NBEA: variants seen among roughly 807,000 people sequenced by gnomAD.
The protein encoded by NBEA is neurobeachin, also known as lysosomal-trafficking regulator 2.
A neutral mutation model predicts 343.4 loss-of-function variants in NBEA; 44 were observed. The observed-to-expected ratio is 0.13, with a 90% CI of 0.10 to 0.16. The LOEUF (loss-of-function observed/expected upper bound fraction) is 0.16, where lower values mean the gene tolerates loss of function less well. Among genes scored for constraint, NBEA ranks in the 10% least tolerant of loss-of-function variants. The probability of loss-of-function intolerance (pLI) is 1.00; values close to 1 mark genes in which losing one functional copy is unlikely to be tolerated. For synonymous variants in NBEA, 1,175 were observed against 1,238.7 expected, an observed-to-expected ratio of 0.95 and a Z score of 1.08; for missense variants, 2,555 against 3,631.3, an observed-to-expected ratio of 0.70 and a Z score of 7.62.
intron 32 of NBEA, 139 bp from the exon 33 acceptor site, chr13:35,210,914 A>C: frequency 1.3e-6 from 1 of 790,674 alleles, no homozygotes; most frequent in Non-Finnish European, 2.0e-6. Flanking sequence ...CATACTTACT[A>C]ATGGCCAAAT....
At chr13:35,568,122 C>T (rs1427289159) in intron 45 of NBEA, among the ~76,000 whole-genome samples, 1 of 152,172 alleles carries the variant, frequency 6.6e-6, no homozygotes, top group Non-Finnish European at 1.5e-5. Context: ...AGAAGCACTT[C>T]CTGAGTATTA....
intron 31 of NBEA, among the ~76,000 whole-genome samples, chr13:35,206,134 T>C (rs1404507855): frequency 1.3e-5 from 2 of 152,152 alleles, no homozygotes; most frequent in African/African-American, 2.4e-5. Context: ...ATTTTACTTA[T>C]AAGTCATAAT....
At chr13:34,981,778 T>C (rs935449091) in intron 1 of NBEA, among the ~76,000 whole-genome samples, 3 of 151,962 alleles carry the variant, frequency 2.0e-5, no homozygotes, top group Non-Finnish European at 2.9e-5. Flanking sequence ...CTAGATTGTT[T>C]GCATTTTCCT....
At chr13:35,103,449 T>A (rs1349750346) in intron 11 of NBEA, among the ~76,000 whole-genome samples, 3 of 151,652 alleles carry the variant, frequency 2.0e-5, no homozygotes, top group South Asian at 2.1e-4. Flanking sequence ...CTCTCATTAG[T>A]TCTGCTTCAT....
intron 39 of NBEA, among the ~76,000 whole-genome samples, chr13:35,445,792 A>ATATATATG (rs1443329689): frequency 1.3e-5 from 1 of 78,224 alleles, no homozygotes; most frequent in African/African-American, 7.1e-5. Context: ...TTATATATAT[A>ATATATATG]TATATATATA....
intron 35 of NBEA, among the ~76,000 whole-genome samples, chr13:35,298,211 GTATATA>G (rs72309538): frequency 0.12 from 12,362 of 102,472 alleles, 718 homozygotes; most frequent in Non-Finnish European, 0.15. Context: ...GTGTGTGTGT[GTATATA>G]TATATATATA....
chr13:35,386,950 T>G (rs907269570), intron 38 of NBEA, among the ~76,000 whole-genome samples: 1 of 152,160 alleles, frequency 6.6e-6, no homozygotes, highest in Admixed American at 6.5e-5. Flanking sequence ...CTATCAATTT[T>G]AGCTTTCCAC....
intron 22 of NBEA, 46 bp downstream of exon 22, chr13:35,160,078 A>G: frequency 6.9e-7 from 1 of 1,451,954 alleles, no homozygotes; most frequent in African/African-American, 1.4e-5. Context: ...AAATGCATTG[A>G]AGAGTTGTTA....
chr13:35,359,832 A>ATGTGTGTGTGTGTATGTGTG (rs2040705794), intron 38 of NBEA, among the ~76,000 whole-genome samples: 3 of 144,562 alleles, frequency 2.1e-5, no homozygotes, highest in Admixed American at 6.9e-5. Flanking sequence ...GTGTGTGTGT[A>ATGTGTGTGTGTGTATGTGTG]TGTGTGTGTG....
chr13:35,117,578 A>C (rs567818847), intron 14 of NBEA, 85 bp downstream of exon 14: 2 of 543,462 alleles, frequency 3.7e-6, no homozygotes, highest in Non-Finnish European at 5.5e-6. Context: ...TAAATTAGTA[A>C]TAGCTACCTT....
chr13:35,319,609 C>A (rs191864862), intron 36 of NBEA, among the ~76,000 whole-genome samples: 1 of 152,100 alleles, frequency 6.6e-6, no homozygotes, highest in Admixed American at 6.6e-5. Flanking sequence ...TCTATTAGGT[C>A]CACTTGGTCC....
intron 18 of NBEA, among the ~76,000 whole-genome samples, chr13:35,153,653 A>C (rs2068947515): frequency 6.6e-6 from 1 of 152,230 alleles, no homozygotes; most frequent in African/African-American, 2.4e-5. Context: ...CAAGGCAGTT[A>C]TTCTTTTCAT....
chr13:35,654,549 A>G (rs1312626455), intron 53 of NBEA, among the ~76,000 whole-genome samples: 1 of 152,204 alleles, frequency 6.6e-6, no homozygotes, highest in Non-Finnish European at 1.5e-5. Context: ...GTGAACATCT[A>G]AAGAATTAAA....
chr13:35,552,134 G>A (rs1200394576), intron 43 of NBEA, among the ~76,000 whole-genome samples: 1 of 152,190 alleles, frequency 6.6e-6, no homozygotes, highest in Non-Finnish European at 1.5e-5. Flanking sequence ...TTATGTCCTT[G>A]AGAATTATTA....
intron 45 of NBEA, among the ~76,000 whole-genome samples, chr13:35,582,867 CATT>C (rs1245766776): frequency 1.2e-4 from 18 of 152,020 alleles, no homozygotes; most frequent in Non-Finnish European, 1.9e-4. Flanking sequence ...TCTTGTGTAA[CATT>C]ATGTGTCCCT....
chr13:35,330,064 C>T (rs562466612), intron 36 of NBEA, among the ~76,000 whole-genome samples: 35 of 152,048 alleles, frequency 2.3e-4, no homozygotes, highest in Non-Finnish European at 4.3e-4. Flanking sequence ...TTTACTTACT[C>T]TCTGGAAACT....
At chr13:35,511,275 T>G (rs1461978) in intron 41 of NBEA, among the ~76,000 whole-genome samples, 129,687 of 151,880 alleles carry the variant, frequency 0.85, 55,556 homozygotes, top group Admixed American at 0.88. Flanking sequence ...GAATACCTAT[T>G]TTATTCTCTG....
intron 10 of NBEA, among the ~76,000 whole-genome samples, chr13:35,080,371 A>G (rs1380495493): frequency 1.3e-5 from 2 of 152,144 alleles, no homozygotes; most frequent in Non-Finnish European, 2.9e-5. Context: ...TTTACTGAGG[A>G]TAGTAGTCAG....
intron 1 of NBEA, among the ~76,000 whole-genome samples, chr13:35,031,452 C>T (rs1405093204): frequency 1.3e-5 from 2 of 151,584 alleles, no homozygotes; most frequent in South Asian, 2.1e-4. Flanking sequence ...CTTAAGCTTG[C>T]TGAATTTCAT....
Sources: allele counts gnomAD v4.1 joint callset (sites outside exome capture counted in the v4.1 genomes callset), GRCh38; gene constraint gnomAD v4.1.1; transcripts MANE v1.5; gene names NCBI Gene and HGNC (gene_info 2026-07-23, HGNC 2026-07-21).